TMCC1: variants seen among roughly 807,000 people sequenced by gnomAD.
TMCC1 encodes the protein transmembrane and coiled-coil domains protein 1.
TMCC1 carries 15 observed loss-of-function variants against 52.4 expected under a neutral mutation model. The observed-to-expected ratio is 0.29, with a 90% confidence interval of 0.19 to 0.44. The LOEUF (loss-of-function observed/expected upper bound fraction) is 0.44. Ranked by LOEUF, TMCC1 falls within the 20% of genes least tolerant of loss-of-function variation. The probability of loss-of-function intolerance (pLI) is 1.00; values close to 1 mark genes in which losing one functional copy is unlikely to be tolerated. For missense variants in TMCC1, 503 were observed against 806.0 expected (o/e 0.62, Z 4.55); for synonymous variants, 279 against 301.9 (o/e 0.92, Z 0.79).
intron 2 of TMCC1, among the ~76,000 whole-genome samples, chr3:129,872,960 C>T (rs962784624): frequency 2.0e-5 from 3 of 151,030 alleles, no homozygotes; most frequent in Non-Finnish European, 2.9e-5. Flanking sequence ...CTCTGTTGCC[C>T]AGGCAGGAGT....
chr3:129,748,953 A>T (rs572568350), intron 4 of TMCC1, among the ~76,000 whole-genome samples: 30 of 152,198 alleles, frequency 2.0e-4, no homozygotes, highest in Admixed American at 1.9e-3. Flanking sequence ...TGAAGCTGGG[A>T]TGTGGAGGTT....
intron 4 of TMCC1, among the ~76,000 whole-genome samples, chr3:129,809,031 G>A (rs1244148901): frequency 4.0e-5 from 6 of 150,726 alleles, no homozygotes; most frequent in African/African-American, 1.5e-4. Flanking sequence ...GAGGTCAGGA[G>A]ATCCTGACCT....
rs147963270 is a variant in TMCC1, at chr3:129,828,624, AC to A, written c.-130-117del. On this transcript the variant is annotated intron_variant, in intron 3 of 6. Coordinates refer to ENST00000393238, the MANE Select transcript of TMCC1 (RefSeq NM_001017395.5). This position sits in a 1 kb window ranked among gnomAD's most constrained non-coding sequence, Gnocchi z 4.1. Reference sequence around the variant, plus strand: ...CATGCTACTGGCCAAACAAATAGGCACTATCATTAAGCAATCTTTAATCAGA... The same window carrying A: ...CATGCTACTGGCCAAACAAATAGGCATATCATTAAGCAATCTTTAATCAGA... 26,147 of 421,410 alleles carry A rather than the reference AC, an allele frequency of 0.062. 1,095 individuals are homozygous for A. Among genetic ancestry groups the A allele is most frequent in the Middle Eastern group, 0.12 (190 of 1,544 alleles). The allele number at this position is 421,410 out of a possible 1,614,324, so 26.1% of individuals were successfully genotyped here.
At chr3:129,704,303 CA>C (rs1284663002) in intron 4 of TMCC1, among the ~76,000 whole-genome samples, 1 of 152,190 alleles carries the variant, frequency 6.6e-6, no homozygotes, top group Non-Finnish European at 1.5e-5. Flanking sequence ...CTTCCAGAGA[CA>C]GTTCTATAAC....
In TMCC1 at chr3:129,828,538, C is replaced by CAAAAAAAA; in HGVS notation, c.-130-38_-130-31dup. The CAAAAAAAA allele has an allele frequency of 3.7e-6, 2 of 547,428 alleles. No homozygotes were observed. Among genetic ancestry groups the CAAAAAAAA allele is most frequent in the East Asian group, 3.3e-5 (1 of 30,056 alleles). 33.9% of individuals were successfully genotyped at this position (547,428 alleles called of 1,614,324 possible). On this transcript the variant is annotated intron_variant, in intron 3 of 6. Transcript: ENST00000393238. This position sits in a 1 kb window ranked among gnomAD's most constrained non-coding sequence, Gnocchi z 4.1. ...TGTTAAAAACAAAAAAACAAAAAAACAAAAAAAAAACCTTATATTATAAAT... is the reference window on the plus strand; with the variant it reads ...TGTTAAAAACAAAAAAACAAAAAAACAAAAAAAAAAAAAAAAAACCTTATATTATAAAT...
intron 4 of TMCC1, among the ~76,000 whole-genome samples, chr3:129,770,602 TAAATGAAATG>T (rs545957104): frequency 0.068 from 8,973 of 132,744 alleles, 356 homozygotes; most frequent in Middle Eastern, 0.16. Flanking sequence ...TAAAATAAAA[TAAATGAAATG>T]AAATGAAATG....
chr3:129,785,602 TACAC>T (rs1440199498), intron 4 of TMCC1, among the ~76,000 whole-genome samples: 2 of 145,248 alleles, frequency 1.4e-5, no homozygotes, highest in African/African-American at 2.5e-5. Context: ...CACACACACA[TACAC>T]ACACACAGAA....
intron 4 of TMCC1, among the ~76,000 whole-genome samples, chr3:129,759,129 G>T (rs2053269816): frequency 1.3e-5 from 2 of 152,162 alleles, no homozygotes; most frequent in Admixed American, 1.3e-4. Context: ...AACATGGAAG[G>T]TTTGTGGGTT....
chr3:129,675,800 G>A (rs2088375549), intron 4 of TMCC1, among the ~76,000 whole-genome samples: 1 of 152,108 alleles, frequency 6.6e-6, no homozygotes, highest in Admixed American at 6.5e-5. Context: ...CACTTTGAGA[G>A]GCCGAGGCAG....
At chr3:129,700,878 G>A (rs978971878) in intron 4 of TMCC1, among the ~76,000 whole-genome samples, 4 of 152,032 alleles carry the variant, frequency 2.6e-5, no homozygotes, top group Non-Finnish European at 5.9e-5. Flanking sequence ...CCCATTATTC[G>A]GAAGCAAATC....
At chr3:129,749,727 A>C (rs921806940) in intron 4 of TMCC1, among the ~76,000 whole-genome samples, 4 of 152,342 alleles carry the variant, frequency 2.6e-5, no homozygotes, top group African/African-American at 7.2e-5. Flanking sequence ...ATGCAGCATG[A>C]ACCATGTTTC....
At chr3:129,725,042 T>C (rs186519850) in intron 4 of TMCC1, among the ~76,000 whole-genome samples, 324 of 152,322 alleles carry the variant, frequency 2.1e-3, no homozygotes, top group African/African-American at 7.2e-3. Context: ...TATTTACAGA[T>C]TTCCAAATTT....
chr3:129,760,731 G>C (rs369207932), intron 4 of TMCC1, among the ~76,000 whole-genome samples: 157 of 151,410 alleles, frequency 1.0e-3, no homozygotes, highest in African/African-American at 3.4e-3. Flanking sequence ...CCCGCCTCGG[G>C]CTTCCAAAGT....
At chr3:129,665,950 A>G (rs190212836) in intron 5 of TMCC1, among the ~76,000 whole-genome samples, 158 of 152,300 alleles carry the variant, frequency 1.0e-3, no homozygotes, top group African/African-American at 3.4e-3. Flanking sequence ...TGGCCTTGTC[A>G]CCATCATCAT....
At chr3:129,661,138 G>A (rs950424628) in intron 5 of TMCC1, among the ~76,000 whole-genome samples, 6 of 152,212 alleles carry the variant, frequency 3.9e-5, no homozygotes, top group Non-Finnish European at 7.3e-5. Flanking sequence ...TGTTCACAGA[G>A]ATAATGCTTT....
chr3:129,754,259 C>A (rs1360699376), intron 4 of TMCC1, among the ~76,000 whole-genome samples: 1 of 152,156 alleles, frequency 6.6e-6, no homozygotes, highest in African/African-American at 2.4e-5. Flanking sequence ...GAAAGGGACA[C>A]CATGTCATTT....
rs77017646 is a variant in TMCC1 at position 129,651,896 on chromosome 3, A to G, written c.1648-101T>C. ...GCCAGATGCATCTTGAGCAATGCCAATGATTTTATAAATATGCTGGAGCCT... is the reference window on the plus strand; with the variant it reads ...GCCAGATGCATCTTGAGCAATGCCAGTGATTTTATAAATATGCTGGAGCCT... On this transcript the variant is annotated intron_variant, in intron 6 of 6. Transcript: ENST00000393238. This position sits in a 1 kb window ranked among gnomAD's most constrained non-coding sequence, Gnocchi z 5.1. 9,104 of 1,229,266 alleles carry G rather than the reference A, an allele frequency of 7.4e-3. 53 individuals carry two copies. The highest frequency in any genetic ancestry group is 0.025 in the African/African-American group (1,660 of 65,332). 76.1% of individuals were successfully genotyped at this position (1,229,266 alleles called of 1,614,324 possible).
chr3:129,732,480 G>A (rs973079234), intron 4 of TMCC1, among the ~76,000 whole-genome samples: 3 of 152,126 alleles, frequency 2.0e-5, no homozygotes, highest in South Asian at 2.1e-4. Context: ...TCTGCATGCA[G>A]ACTGCATGAA....
intron 1 of TMCC1, among the ~76,000 whole-genome samples, chr3:129,889,787 GA>G (rs940484863): frequency 6.6e-6 from 1 of 151,352 alleles, no homozygotes; most frequent in African/African-American, 2.4e-5. Flanking sequence ...ACAAAAATAA[GA>G]AAAAATTAAA....
Sources: gnomAD v4.1 joint callset for allele counts (sites outside exome capture counted in the v4.1 genomes callset) on GRCh38, gnomAD v4.1.1 for gene constraint, Gnocchi (gnomAD v3.1) non-coding constraint, MANE v1.5 for transcripts, NCBI Gene and HGNC (gene_info 2026-07-23, HGNC 2026-07-21) for gene names.